Variants in NEDD9 observed in about 807,000 individuals in gnomAD.
The protein encoded by NEDD9 is enhancer of filamentation 1.
In NEDD9, 26 loss-of-function variants were observed where a neutral mutation model predicts 76.6. The ratio of observed to expected loss-of-function variants is 0.34; its 90% CI spans 0.25 to 0.47. The LOEUF is 0.47. Among genes scored for constraint, NEDD9 ranks in the 20% least tolerant of loss-of-function variants. The pLI is 1.00. For missense variants in NEDD9, 937 were observed against 1,058.5 expected (o/e 0.89, Z 1.59); for synonymous variants, 392 against 414.2 (o/e 0.95, Z 0.65).
chr6:11,351,225 G>T (rs1355565994), intron 1 of NEDD9, among the ~76,000 whole-genome samples: 1 of 152,088 alleles, frequency 6.6e-6, no homozygotes, highest in Admixed American at 6.5e-5. Context: ...AAGTGACCAG[G>T]ACCAGGACCA....
chr6:11,337,216 T>TCAAAAA lies in NEDD9; in HGVS notation c.-213-2661_-213-2656dup, dbSNP rs369641449. Among the ~76,000 whole-genome samples the TCAAAAA allele has an allele frequency of 3.6e-3, 542 of 152,202 alleles. 7 individuals carry two copies. The highest frequency in any genetic ancestry group is 0.012 in the African/African-American group (506 of 41,508). ...CTGGGTGACAGAGTGAGATTCTGTC[T>TCAAAAA]CAAAAACAAAAACAAAAACAAAACA... On this transcript the variant is annotated intron_variant, in intron 1 of 3. Transcript: ENST00000397378.
chr6:11,196,896 T>C (rs1758308297), intron 2 of NEDD9, among the ~76,000 whole-genome samples: 1 of 152,162 alleles, frequency 6.6e-6, no homozygotes, highest in South Asian at 2.1e-4. Flanking sequence ...TGCCTCGACC[T>C]GTTGCTTGGG....
chr6:11,189,513 A>C (rs1481175445), intron 5 of NEDD9, among the ~76,000 whole-genome samples: 1 of 152,204 alleles, frequency 6.6e-6, no homozygotes, highest in Non-Finnish European at 1.5e-5. Context: ...AAGGTCTTCT[A>C]TTCTTTTTCT....
chr6:11,354,579 G>A (rs1762531534), intron 1 of NEDD9, among the ~76,000 whole-genome samples: 1 of 152,136 alleles, frequency 6.6e-6, no homozygotes, highest in African/African-American at 2.4e-5. Context: ...CAGTTGGTCA[G>A]CCCTCTTGAA....
At chr6:11,362,060 T>C (rs1420825853) in intron 1 of NEDD9, among the ~76,000 whole-genome samples, 1 of 152,136 alleles carries the variant, frequency 6.6e-6, no homozygotes, top group Non-Finnish European at 1.5e-5. Flanking sequence ...TATGTTGAAG[T>C]CCCAACCCGC....
chr6:11,303,697 C>A (rs901217874), intron 3 of NEDD9, among the ~76,000 whole-genome samples: 3 of 152,110 alleles, frequency 2.0e-5, no homozygotes, highest in Non-Finnish European at 4.4e-5. Flanking sequence ...CTGAAAAAAA[C>A]AAGCAATATT....
rs181542021 is a variant in NEDD9, at chr6:11,351,676, G to A, written c.-213-17115C>T. ...TGACATTCCCTCCAGGTTATCACCCGCTTTGCTCGGTCATGCCTCTCCATG... is the reference window on the plus strand; with the variant it reads ...TGACATTCCCTCCAGGTTATCACCCACTTTGCTCGGTCATGCCTCTCCATG... On this transcript the variant is annotated intron_variant, in intron 1 of 3. Coordinates refer to the NEDD9 transcript ENST00000397378. Among the ~76,000 whole-genome samples, 20 of 152,282 alleles carry A rather than the reference G, an allele frequency of 1.3e-4. No homozygotes were observed. In the East Asian group the frequency reaches 3.3e-3, roughly 25 times the overall value.
At chr6:11,349,954 G>C (rs1043389903) in intron 1 of NEDD9, among the ~76,000 whole-genome samples, 1 of 152,178 alleles carries the variant, frequency 6.6e-6, no homozygotes, top group Non-Finnish European at 1.5e-5. Context: ...GGCCTATCTA[G>C]CTTAGAGAGG....
At chr6:11,230,859 A>G (rs997322562) in intron 1 of NEDD9, among the ~76,000 whole-genome samples, 1 of 152,226 alleles carries the variant, frequency 6.6e-6, no homozygotes, top group East Asian at 1.9e-4. Flanking sequence ...TTTTCTTTCC[A>G]TAAAGAGTAA....
chr6:11,357,032 A>T (rs1762589186), intron 1 of NEDD9, among the ~76,000 whole-genome samples: 1 of 152,060 alleles, frequency 6.6e-6, no homozygotes, highest in African/African-American at 2.4e-5. Flanking sequence ...AGCCAAGCCC[A>T]CTGGGGTCTC....
At chr6:11,269,844 T>C (rs138248210) in intron 3 of NEDD9, among the ~76,000 whole-genome samples, 6 of 149,794 alleles carry the variant, frequency 4.0e-5, no homozygotes, top group African/African-American at 1.5e-4. Flanking sequence ...ACAAACACTC[T>C]TGGGCGGATG....
intron 1 of NEDD9, among the ~76,000 whole-genome samples, chr6:11,350,753 TGCCG>T (rs1416125311): frequency 6.6e-6 from 1 of 152,116 alleles, no homozygotes; most frequent in Non-Finnish European, 1.5e-5. Context: ...AACAAGGCCC[TGCCG>T]CTGACCTCAC....
At chr6:11,366,541 A>C (rs74722432) in intron 1 of NEDD9, among the ~76,000 whole-genome samples, 3,940 of 152,314 alleles carry the variant, frequency 0.026, 144 homozygotes, top group African/African-American at 0.084. Context: ...CTTACAGTAG[A>C]TTTTCTCATG....
chr6:11,197,264 T>C (rs972370946), intron 2 of NEDD9, among the ~76,000 whole-genome samples: 3 of 150,816 alleles, frequency 2.0e-5, no homozygotes, highest in African/African-American at 4.9e-5. Context: ...TTTTTTTTTT[T>C]CTACATTCCT....
At chr6:11,345,006 G>T (rs1762339097) in intron 1 of NEDD9, among the ~76,000 whole-genome samples, 1 of 152,146 alleles carries the variant, frequency 6.6e-6, no homozygotes, top group South Asian at 2.1e-4. Context: ...GGAATCTGGG[G>T]GAATTCTTGT....
At chr6:11,374,947 G>A (rs1008792898) in intron 1 of NEDD9, among the ~76,000 whole-genome samples, 4 of 152,000 alleles carry the variant, frequency 2.6e-5, no homozygotes, top group Non-Finnish European at 5.9e-5. Flanking sequence ...AGTCACTTTA[G>A]CCCTTTCTTC....
At chr6:11,231,955 G>T (rs1164294335) in intron 1 of NEDD9, among the ~76,000 whole-genome samples, 1 of 152,094 alleles carries the variant, frequency 6.6e-6, no homozygotes, top group Non-Finnish European at 1.5e-5. Flanking sequence ...ATAACATAAG[G>T]ATGTCAAAAT....
At chr6:11,310,171 TG>T (rs1761324817) in intron 2 of NEDD9, among the ~76,000 whole-genome samples, 1 of 152,164 alleles carries the variant, frequency 6.6e-6, no homozygotes, top group East Asian at 1.9e-4. Flanking sequence ...CTGGGGAGCC[TG>T]TCAGCCTGCA....
At position 11,185,765 on chromosome 6, in the gene NEDD9, G is replaced by A; in HGVS notation, c.1996-94C>T. On this transcript the variant is annotated intron_variant, in intron 6 of 6. Transcript: ENST00000379446. ...TTGGAGTTAAAAGACAGGGATTTTA[G>A]TCGCTAGTAACTGTCAGATGCATGT... The A allele has an allele frequency of 3.5e-6, 5 of 1,447,956 alleles. No homozygotes were observed. The South Asian group carries it at 3.9e-5, about 11-fold the overall frequency. 89.7% of individuals were successfully genotyped at this position (1,447,956 alleles called of 1,614,324 possible). A position where few individuals can be genotyped will look rare whatever the true frequency, so the allele number is the denominator to read the frequency against.
Sources: gnomAD v4.1 joint callset for allele counts (sites outside exome capture counted in the v4.1 genomes callset) on GRCh38, gnomAD v4.1.1 for gene constraint, MANE v1.5 for transcripts, NCBI Gene and HGNC (gene_info 2026-07-23, HGNC 2026-07-21) for gene names.